DLGAP2: variants seen among roughly 807,000 people sequenced by gnomAD.
The protein encoded by DLGAP2 is disks large-associated protein 2.
A neutral mutation model predicts 100.3 loss-of-function variants in DLGAP2; 26 were observed. The observed-to-expected ratio is 0.26, with a 90% CI of 0.19 to 0.36. DLGAP2 has a LOEUF of 0.36. Ranked by LOEUF, DLGAP2 falls within the 10% of genes least tolerant of loss-of-function variation. DLGAP2 has a pLI of 1.00. For synonymous variants in DLGAP2, 886 were observed against 630.1 expected, an observed-to-expected ratio of 1.41 and a Z score of -6.08; for missense variants, 1,858 against 1,453.2, an observed-to-expected ratio of 1.28 and a Z score of -4.53.
chr8:1,151,799 C>T (rs941701351), intron 2 of DLGAP2, among the ~76,000 whole-genome samples: 1 of 152,202 alleles, frequency 6.6e-6, no homozygotes, highest in African/African-American at 2.4e-5. Context: ...ACTCTTTGTA[C>T]TGTTGCAGTC....
chr8:837,690 A>G (rs112621741), intron 1 of DLGAP2, among the ~76,000 whole-genome samples: 3 of 136,852 alleles, frequency 2.2e-5, no homozygotes, highest in Non-Finnish European at 3.3e-5. Flanking sequence ...GTGTGTGTAT[A>G]TAATATGTAT....
At chr8:1,189,848 G>A (rs1797595956) in intron 2 of DLGAP2, among the ~76,000 whole-genome samples, 2 of 152,332 alleles carry the variant, frequency 1.3e-5, no homozygotes, top group South Asian at 4.1e-4. Context: ...TGCTCCAGCA[G>A]GCAGGAGGCG....
chr8:755,916 G>A (rs1355627628), intron 1 of DLGAP2, among the ~76,000 whole-genome samples: 11 of 152,170 alleles, frequency 7.2e-5, no homozygotes, highest in Admixed American at 5.2e-4. Context: ...TGGAGAGTGT[G>A]GGATAATGCT....
chr8:1,186,860 T>G (rs530113086), intron 2 of DLGAP2, among the ~76,000 whole-genome samples: 1 of 152,266 alleles, frequency 6.6e-6, no homozygotes, highest in South Asian at 2.1e-4. Flanking sequence ...TCACTCACCT[T>G]CACATGCCCC....
intron 2 of DLGAP2, among the ~76,000 whole-genome samples, chr8:951,057 T>C (rs1324812130): frequency 6.6e-6 from 1 of 152,226 alleles, no homozygotes; most frequent in Non-Finnish European, 1.5e-5. Context: ...ACCATGTAAA[T>C]AGCATAAGAA....
At chr8:1,309,814 G>C (rs1800571761) in intron 3 of DLGAP2, among the ~76,000 whole-genome samples, 1 of 152,240 alleles carries the variant, frequency 6.6e-6, no homozygotes, top group Non-Finnish European at 1.5e-5. Context: ...CCTGTGACAG[G>C]CCGGGCGCCG....
intron 3 of DLGAP2, among the ~76,000 whole-genome samples, chr8:1,319,752 G>A (rs1323506022): frequency 1.3e-5 from 2 of 152,148 alleles, no homozygotes; most frequent in Non-Finnish European, 2.9e-5. Context: ...AGCTTTGGGG[G>A]ACAGTTTCCA....
At chr8:754,220 C>T (rs902861268) in intron 1 of DLGAP2, 5 of 152,230 alleles carry the variant, frequency 3.3e-5, no homozygotes, top group African/African-American at 4.8e-5. Context: ...GAGACCCTGA[C>T]GGATTTCGTC....
chr8:1,277,283 A>G (rs1285530518), intron 3 of DLGAP2, among the ~76,000 whole-genome samples: 1 of 152,160 alleles, frequency 6.6e-6, no homozygotes, highest in African/African-American at 2.4e-5. Flanking sequence ...GTGCCTATGT[A>G]GCCCCCCCAG....
At chr8:899,111 C>T (rs536996838) in intron 1 of DLGAP2, among the ~76,000 whole-genome samples, 5 of 152,198 alleles carry the variant, frequency 3.3e-5, no homozygotes, top group African/African-American at 9.6e-5. Flanking sequence ...TGAGATCCAG[C>T]GGAACAGCAG....
chr8:753,812 T>G (rs1158470357), intron 1 of DLGAP2: 2 of 152,254 alleles, frequency 1.3e-5, no homozygotes, highest in African/African-American at 4.8e-5. Flanking sequence ...CCTTGAGGTC[T>G]TAAAAAATCC....
At chr8:1,581,154 CAGAAG>C (rs1257390320) in intron 6 of DLGAP2, among the ~76,000 whole-genome samples, 2 of 148,470 alleles carry the variant, frequency 1.3e-5, no homozygotes, top group African/African-American at 5.0e-5. Flanking sequence ...GTCAAACTAC[CAGAAG>C]AGAAGGATAC....
Position 1,632,887 on chromosome 8 carries a change from G to C in DLGAP2, c.1651G>C (p.Val551Leu). 6.2e-7 allele frequency: 1 copy of C among 1,613,988 alleles called. No individual in the cohort carries two copies. Among genetic ancestry groups the C allele is most frequent in the South Asian group, 1.1e-5 (1 of 91,076 alleles). Residue 551 changes from valine to leucine, a missense_variant, in exon 8 of 15, where the codon GTT becomes CTT. Transcript: ENST00000637795. ...CGTGTGCGAGTCCGTCTTCAGTGAA[G>C]TTGAATCTCAGGCCATGGATGCCCT... ...ESVCESVFSE[V>L]ESQAMDALDL...
At chr8:946,757 T>C (rs1799336585) in intron 2 of DLGAP2, among the ~76,000 whole-genome samples, 1 of 152,196 alleles carries the variant, frequency 6.6e-6, no homozygotes, top group African/African-American at 2.4e-5. Flanking sequence ...TCTTGAGAAT[T>C]CTCTATGAAC....
intron 1 of DLGAP2, among the ~76,000 whole-genome samples, chr8:816,937 G>A (rs900070614): frequency 6.6e-6 from 1 of 152,086 alleles, no homozygotes; most frequent in Non-Finnish European, 1.5e-5. Context: ...TCAGGAGATC[G>A]AGACTATCCT....
intron 2 of DLGAP2, among the ~76,000 whole-genome samples, chr8:933,650 A>G (rs1584901939): frequency 1.6e-5 from 1 of 60,958 alleles, no homozygotes; most frequent in African/African-American, 7.4e-5. Context: ...GCACGAGGGG[A>G]GGGTGAGGGC....
At chr8:836,445 C>T (rs1796877609) in intron 1 of DLGAP2, among the ~76,000 whole-genome samples, 1 of 152,200 alleles carries the variant, frequency 6.6e-6, no homozygotes, top group South Asian at 2.1e-4. Flanking sequence ...CTGCAGGCGC[C>T]CTGGCAGGGA....
intron 2 of DLGAP2, among the ~76,000 whole-genome samples, chr8:1,134,842 C>T (rs1009102972): frequency 1.1e-4 from 17 of 152,212 alleles, no homozygotes; most frequent in African/African-American, 4.1e-4. Flanking sequence ...CTCCTGAGAA[C>T]TCACTATCAT....
chr8:861,673 G>A (rs942732654), intron 1 of DLGAP2, among the ~76,000 whole-genome samples: 13 of 152,164 alleles, frequency 8.5e-5, no homozygotes, highest in African/African-American at 2.7e-4. Flanking sequence ...AGGAAATGAC[G>A]AGAAACATAT....
Sources: allele counts gnomAD v4.1 joint callset (sites outside exome capture counted in the v4.1 genomes callset), GRCh38; gene constraint gnomAD v4.1.1; transcripts MANE v1.5; gene names NCBI Gene and HGNC (gene_info 2026-07-23, HGNC 2026-07-21).